The following DIAPH2 variants were observed in gnomAD, a reference collection of about 807,000 sequenced individuals.
The protein encoded by DIAPH2 is diaphanous related formin 2.
A neutral mutation model predicts 92.7 loss-of-function variants in DIAPH2; 35 were observed. The observed-to-expected ratio is 0.38, with a 90% CI of 0.29 to 0.50. The LOEUF (loss-of-function observed/expected upper bound fraction) is 0.50, where lower values mean the gene tolerates loss of function less well. Among genes scored for constraint, DIAPH2 ranks in the 20% least tolerant of loss-of-function variants. DIAPH2 has a pLI of 0.94. For synonymous variants in DIAPH2, 301 were observed against 280.4 expected (o/e 1.07, Z -0.73); for missense variants, 701 against 819.5 (o/e 0.86, Z 1.77).
chrX:97,293,369 C>T (rs2068613708), intron 23 of DIAPH2, among the ~76,000 whole-genome samples: 1 of 106,708 alleles, frequency 9.4e-6, no homozygotes. Context: ...TCTCCTGCCT[C>T]AGCCTCCCGA....
rs923167641 is a variant in DIAPH2 at position 97,493,392 on chromosome X, G to A, written c.3241+63647G>A. Among the ~76,000 whole-genome samples the A allele has an allele frequency of 2.7e-5, 3 of 110,903 alleles. No individual in the cohort carries two copies. In the Admixed American group the frequency reaches 2.9e-4, roughly 11 times the overall value. ...TTCTCCTGCCTCAGCCTCCTGAGTA[G>A]CTGGGATTACAGGCATGCGCCACCA... On this transcript the variant is annotated intron_variant, in intron 26 of 26. Coordinates refer to ENST00000324765, the MANE Select transcript of DIAPH2 (RefSeq NM_006729.5).
intron 21 of DIAPH2, among the ~76,000 whole-genome samples, chrX:97,129,150 CTTTTCTTTTCTTTT>C (rs2067118445): frequency 1.5e-5 from 1 of 66,571 alleles, no homozygotes; most frequent in African/African-American, 6.0e-5. Context: ...TCTTTTCTTT[CTTTTCTTTTCTTTT>C]CTTTCTTTTC....
intron 22 of DIAPH2, among the ~76,000 whole-genome samples, chrX:97,222,742 C>G (rs543260864): frequency 1.8e-5 from 2 of 112,084 alleles, no homozygotes; most frequent in South Asian, 3.7e-4. Flanking sequence ...CTTAAACTAA[C>G]ACACAATGCT....
At chrX:97,518,912 C>T (rs1023528455) in intron 26 of DIAPH2, among the ~76,000 whole-genome samples, 2 of 111,606 alleles carry the variant, frequency 1.8e-5, no homozygotes, top group East Asian at 5.6e-4. Context: ...CCGATTCCAG[C>T]TCAGTTTCTA....
At chrX:97,426,759 G>T (rs757650189) in intron 25 of DIAPH2, among the ~76,000 whole-genome samples, 3 of 112,185 alleles carry the variant, frequency 2.7e-5, no homozygotes, top group Non-Finnish European at 5.6e-5. Context: ...CTGAAATGTG[G>T]CTAATCTGAA....
intron 17 of DIAPH2, among the ~76,000 whole-genome samples, chrX:97,015,534 A>T (rs2066254348): frequency 9.0e-6 from 1 of 111,509 alleles, no homozygotes; most frequent in Non-Finnish European, 1.9e-5. Flanking sequence ...CAATATGCTG[A>T]CCTTACATCA....
chrX:97,067,416 T>A (rs1464349608), intron 17 of DIAPH2, among the ~76,000 whole-genome samples: 1 of 111,950 alleles, frequency 8.9e-6, no homozygotes, highest in Non-Finnish European at 1.9e-5. Context: ...TTACAAAGGC[T>A]AATTTAGCAA....
chrX:96,972,733 G>C (rs747900780), intron 17 of DIAPH2, among the ~76,000 whole-genome samples: 21 of 111,235 alleles, frequency 1.9e-4, no homozygotes, highest in African/African-American at 6.9e-4. Flanking sequence ...AGTATAATTA[G>C]AGTTGGGACT....
intron 23 of DIAPH2, among the ~76,000 whole-genome samples, chrX:97,289,607 A>C (rs1195012114): frequency 8.9e-6 from 1 of 112,009 alleles, no homozygotes; most frequent in African/African-American, 3.2e-5. Context: ...CAATTAAATC[A>C]GAATCTGAAA....
chrX:97,449,157 A>G (rs1454480360), intron 26 of DIAPH2, among the ~76,000 whole-genome samples: 2 of 112,140 alleles, frequency 1.8e-5, no homozygotes, highest in East Asian at 2.8e-4. Flanking sequence ...AGATTTAGTC[A>G]TATCACCTAA....
At chrX:96,938,736 A>G (rs975460754) in intron 11 of DIAPH2, among the ~76,000 whole-genome samples, 1 of 112,008 alleles carries the variant, frequency 8.9e-6, no homozygotes, top group Non-Finnish European at 1.9e-5. Flanking sequence ...TCCATTTTTT[A>G]TCAAATAATG....
chrX:96,888,605 C>A (rs866705623), intron 5 of DIAPH2, among the ~76,000 whole-genome samples: 8 of 71,501 alleles, frequency 1.1e-4, no homozygotes, highest in African/African-American at 4.3e-4. Flanking sequence ...ATATATATAT[C>A]TATATATATC....
chrX:97,467,900 T>A (rs753333414), intron 26 of DIAPH2, among the ~76,000 whole-genome samples: 4 of 111,477 alleles, frequency 3.6e-5, no homozygotes, highest in Non-Finnish European at 7.5e-5. Flanking sequence ...AATAAATGTT[T>A]GCAGTGGTAT....
chrX:96,815,914 G>A (rs775013724), intron 4 of DIAPH2, among the ~76,000 whole-genome samples: 57 of 110,967 alleles, frequency 5.1e-4, no homozygotes, highest in African/African-American at 1.8e-3. Flanking sequence ...CAGGCAATGC[G>A]CCCACCTTGG....
At chrX:97,371,561 T>C (rs2069448266) in intron 24 of DIAPH2, among the ~76,000 whole-genome samples, 1 of 111,598 alleles carries the variant, frequency 9.0e-6, no homozygotes, top group Non-Finnish European at 1.9e-5. Context: ...AGGGAGATCA[T>C]GGAACCCTAT....
At chrX:96,952,661 G>C (rs747456420) in intron 15 of DIAPH2, among the ~76,000 whole-genome samples, 1 of 110,894 alleles carries the variant, frequency 9.0e-6, no homozygotes, top group Non-Finnish European at 1.9e-5. Flanking sequence ...CTTGAAACCG[G>C]AAAGCAGAGG....
intron 4 of DIAPH2, among the ~76,000 whole-genome samples, chrX:96,825,359 T>C (rs6620183): frequency 1.8e-3 from 169 of 94,891 alleles, no homozygotes; most frequent in Admixed American, 2.6e-3. Flanking sequence ...GTTTTCTTTT[T>C]TTTTTTTTTT....
chrX:97,312,459 C>T (rs2068804716), intron 23 of DIAPH2, among the ~76,000 whole-genome samples: 1 of 103,316 alleles, frequency 9.7e-6, no homozygotes, highest in Non-Finnish European at 2.0e-5. Flanking sequence ...AAGAGATTCT[C>T]CTGCCTCAGC....
chrX:97,197,843 C>G (rs1022727041), intron 22 of DIAPH2, among the ~76,000 whole-genome samples: 6 of 111,845 alleles, frequency 5.4e-5, no homozygotes, highest in Non-Finnish European at 9.4e-5. Context: ...CGTTGGCTGT[C>G]AAGGGCTAAG....
Sources: allele counts gnomAD v4.1 joint callset (sites outside exome capture counted in the v4.1 genomes callset), GRCh38; gene constraint gnomAD v4.1.1; transcripts MANE v1.5; gene names NCBI Gene and HGNC (gene_info 2026-07-23, HGNC 2026-07-21).